Variants in UNC13C observed in about 807,000 individuals in gnomAD.
UNC13C encodes the protein protein unc-13 homolog C.
UNC13C carries 174 observed loss-of-function variants against 245.4 expected under a neutral mutation model. The observed-to-expected ratio is 0.71, with a 90% CI of 0.63 to 0.80. UNC13C has a LOEUF of 0.80. UNC13C is among the 30% of genes least tolerant of loss of function. The pLI, the probability that UNC13C is intolerant of heterozygous loss-of-function variation, is 0.00. For missense variants in UNC13C, 2,829 were observed against 2,602.9 expected, an observed-to-expected ratio of 1.09 and a Z score of -1.89; for synonymous variants, 992 against 895.1, an observed-to-expected ratio of 1.11 and a Z score of -1.93.
intron 26 of UNC13C, among the ~76,000 whole-genome samples, chr15:54,543,506 C>T (rs1339428195): frequency 6.6e-6 from 1 of 151,854 alleles, no homozygotes; most frequent in Non-Finnish European, 1.5e-5. Context: ...AATCTAGGAG[C>T]TGGTTTTTTG....
chr15:54,189,123 A>G (rs1213045100), intron 4 of UNC13C, among the ~76,000 whole-genome samples: 2 of 152,314 alleles, frequency 1.3e-5, no homozygotes, highest in East Asian at 3.9e-4. Flanking sequence ...CTCATTGCCT[A>G]TTATGAGTAC....
At chr15:54,188,443 TTACA>T (rs1455018097) in intron 4 of UNC13C, among the ~76,000 whole-genome samples, 3 of 152,250 alleles carry the variant, frequency 2.0e-5, no homozygotes, top group Non-Finnish European at 2.9e-5. Context: ...AATTGAATAA[TTACA>T]TACAAAGATT....
intron 1 of UNC13C, among the ~76,000 whole-genome samples, chr15:53,980,853 A>G (rs115354145): frequency 2.7e-4 from 41 of 152,296 alleles, no homozygotes; most frequent in African/African-American, 9.4e-4. Flanking sequence ...TTTCCAGGCC[A>G]TATAATAACT....
At chr15:54,126,396 T>C (rs937139193) in intron 2 of UNC13C, among the ~76,000 whole-genome samples, 1 of 152,120 alleles carries the variant, frequency 6.6e-6, no homozygotes, top group African/African-American at 2.4e-5. Context: ...TATATAATGA[T>C]ATAGAGGCCA....
chr15:54,505,645 C>A (rs1894437499), intron 22 of UNC13C, among the ~76,000 whole-genome samples: 1 of 147,988 alleles, frequency 6.8e-6, no homozygotes, highest in African/African-American at 2.5e-5. Context: ...ATGTACTTTG[C>A]ACACTCTCAT....
chr15:54,244,502 G>A (rs561629195), intron 7 of UNC13C, among the ~76,000 whole-genome samples: 1 of 152,200 alleles, frequency 6.6e-6, no homozygotes, highest in Non-Finnish European at 1.5e-5. Context: ...TTCTAATTCT[G>A]TGGAAAATAT....
At chr15:54,136,707 A>G (rs917253538) in intron 2 of UNC13C, among the ~76,000 whole-genome samples, 1 of 152,114 alleles carries the variant, frequency 6.6e-6, no homozygotes, top group Non-Finnish European at 1.5e-5. Flanking sequence ...TTTATTATGT[A>G]CAGGTGCATT....
chr15:54,298,521 C>T (rs538192195), intron 12 of UNC13C, among the ~76,000 whole-genome samples: 125 of 152,274 alleles, frequency 8.2e-4, no homozygotes, highest in Non-Finnish European at 1.5e-3. Context: ...CCGTGTTAAC[C>T]TCTCTTTCTA....
At chr15:54,331,235 A>C (rs1409304322) in intron 14 of UNC13C, among the ~76,000 whole-genome samples, 2 of 152,072 alleles carry the variant, frequency 1.3e-5, no homozygotes, top group African/African-American at 4.8e-5. Context: ...TTTTTTGATG[A>C]GAAAACTGGA....
chr15:54,497,205 A>G (rs1567328268), intron 20 of UNC13C, among the ~76,000 whole-genome samples: 1 of 152,146 alleles, frequency 6.6e-6, no homozygotes. Flanking sequence ...AAACAGCATC[A>G]GAAAGACAAC....
chr15:54,372,135 G>A (rs189811555), intron 17 of UNC13C, among the ~76,000 whole-genome samples: 49 of 152,122 alleles, frequency 3.2e-4, no homozygotes, highest in Admixed American at 2.5e-3. Context: ...GTGAGGTAAT[G>A]CATATATTAA....
the UNC13C span, among the ~76,000 whole-genome samples, chr15:53,859,205 T>G: frequency 1.3e-5 from 2 of 152,212 alleles, no homozygotes; most frequent in African/African-American, 4.8e-5. Context: ...TTAAAAATTT[T>G]TAATGTCTCA....
Position 54,416,861 on chromosome 15 carries a change from G to C in UNC13C, c.4933+1794G>C, listed in dbSNP as rs140844787. 3.3e-4 allele frequency: 152 copies of C among 455,748 alleles called. 1 individual carries two copies. The East Asian group carries it at 7.9e-3, about 24-fold the overall frequency. 28.2% of individuals were successfully genotyped at this position (455,748 alleles called of 1,614,324 possible). A position where few individuals can be genotyped will look rare whatever the true frequency, so the allele number is the denominator to read the frequency against. ...ACTTAAGCACTTACGGGTTATCATTGATTCCTTTATTGTCTTCGCTACAGT... is the reference window on the plus strand; with the variant it reads ...ACTTAAGCACTTACGGGTTATCATTCATTCCTTTATTGTCTTCGCTACAGT... On this transcript the variant is annotated intron_variant, in intron 19 of 32. Coordinates refer to ENST00000260323, the MANE Select transcript of UNC13C (RefSeq NM_001080534.3).
intron 18 of UNC13C, among the ~76,000 whole-genome samples, chr15:54,409,190 C>G (rs1013093573): frequency 2.6e-5 from 4 of 151,876 alleles, no homozygotes; most frequent in African/African-American, 4.8e-5. Context: ...GTTTATTAGG[C>G]TTTGATTTTT....
At chr15:54,452,561 C>T (rs1422289162) in intron 19 of UNC13C, among the ~76,000 whole-genome samples, 9 of 152,162 alleles carry the variant, frequency 5.9e-5, no homozygotes, top group Non-Finnish European at 1.2e-4. Flanking sequence ...CCCAAGATTC[C>T]TGGACAGCAT....
intron 2 of UNC13C, among the ~76,000 whole-genome samples, chr15:54,042,866 AAAAAGAAAAAG>A (rs869049864): frequency 3.7e-5 from 2 of 54,406 alleles, no homozygotes; most frequent in Admixed American, 2.2e-4. Context: ...AAAGAAAAAG[AAAAAGAAAAAG>A]AAACCACTTA....
the UNC13C span, among the ~76,000 whole-genome samples, chr15:53,874,668 C>T: frequency 6.6e-6 from 1 of 152,190 alleles, no homozygotes; most frequent in African/African-American, 2.4e-5. Flanking sequence ...GCCTTCAATA[C>T]ATAGCTCAAT....
chr15:54,037,124 T>G (rs1342360121), intron 2 of UNC13C, among the ~76,000 whole-genome samples: 1 of 152,206 alleles, frequency 6.6e-6, no homozygotes, highest in Non-Finnish European at 1.5e-5. Context: ...TCCTAAACCT[T>G]AAATGCTTCT....
intron 19 of UNC13C, among the ~76,000 whole-genome samples, chr15:54,466,494 A>G (rs1020399682): frequency 2.0e-5 from 3 of 151,952 alleles, no homozygotes; most frequent in Admixed American, 1.3e-4. Flanking sequence ...TGAACTCTGG[A>G]TACTGGTATT....
Sources: gnomAD v4.1 joint callset for allele counts (sites outside exome capture counted in the v4.1 genomes callset) on GRCh38, gnomAD v4.1.1 for gene constraint, MANE v1.5 for transcripts, NCBI Gene and HGNC (gene_info 2026-07-23, HGNC 2026-07-21) for gene names.